SDK1: variants seen among roughly 807,000 people sequenced by gnomAD.
SDK1 encodes sidekick cell adhesion molecule 1, also known as protein sidekick-1.
A neutral mutation model predicts 245.5 loss-of-function variants in SDK1; 157 were observed. The observed-to-expected ratio is 0.64, with a 90% CI of 0.56 to 0.73. The LOEUF (loss-of-function observed/expected upper bound fraction) is 0.73. Ranked by LOEUF, SDK1 falls within the 30% of genes least tolerant of loss-of-function variation. SDK1 has a pLI of 0.00. For missense variants in SDK1, 3,583 were observed against 3,002.3 expected (o/e 1.19, Z -4.52); for synonymous variants, 1,647 against 1,278.5 (o/e 1.29, Z -6.15).
chr7:3,979,024 C>G (rs1431595030), intron 13 of SDK1, among the ~76,000 whole-genome samples: 2 of 152,220 alleles, frequency 1.3e-5, no homozygotes, highest in African/African-American at 4.8e-5. Flanking sequence ...GGGCGGCCCC[C>G]ACACCCACAT....
intron 35 of SDK1, among the ~76,000 whole-genome samples, chr7:4,194,075 C>G (rs1229220730): frequency 1.3e-5 from 2 of 152,072 alleles, no homozygotes; most frequent in East Asian, 3.9e-4. Flanking sequence ...GCAGCCAACT[C>G]CGGAAACCGC....
At chr7:3,535,603 G>C (rs1778860915) in intron 1 of SDK1, among the ~76,000 whole-genome samples, 1 of 152,070 alleles carries the variant, frequency 6.6e-6, no homozygotes, top group Non-Finnish European at 1.5e-5. Flanking sequence ...CTATAACATG[G>C]TCCCTTAGCA....
chr7:4,181,157 T>G (rs1282645257), intron 35 of SDK1, among the ~76,000 whole-genome samples: 1 of 152,234 alleles, frequency 6.6e-6, no homozygotes, highest in African/African-American at 2.4e-5. Context: ...CACTGCAAGT[T>G]CACCTCTCGA....
intron 2 of SDK1, among the ~76,000 whole-genome samples, chr7:3,620,243 T>C (rs1230500682): frequency 6.6e-6 from 1 of 152,118 alleles, no homozygotes; most frequent in Non-Finnish European, 1.5e-5. Context: ...GTGTGTCAGT[T>C]GTCTGTGTGT....
At chr7:3,862,831 G>T (rs966337310) in intron 5 of SDK1, among the ~76,000 whole-genome samples, 5 of 152,130 alleles carry the variant, frequency 3.3e-5, no homozygotes, top group Non-Finnish European at 5.9e-5. Flanking sequence ...TTTCATGGTG[G>T]GTAGGGATGG....
At position 4,220,138 on chromosome 7, in the gene SDK1, A is replaced by AT; in HGVS notation, c.5569_5570insT (p.Arg1857MetfsTer51). On this transcript the variant is annotated frameshift_variant, in exon 39 of 45. Transcript: ENST00000404826. LOFTEE classifies it high-confidence loss of function. ...GAGCAAGGTGGTGACCGTGGAAGTGAGAGGGAACTGGCAGCGCTGGCTGAA... is the reference window on the plus strand; with the variant it reads ...GAGCAAGGTGGTGACCGTGGAAGTGATGAGGGAACTGGCAGCGCTGGCTGAA... 1 of 1,614,050 alleles carries AT rather than the reference A, an allele frequency of 6.2e-7. No individual in the cohort carries two copies. The highest frequency in any genetic ancestry group is 8.5e-7 in the Non-Finnish European group (1 of 1,180,006).
chr7:4,190,089 C>G (rs142211547), intron 35 of SDK1, among the ~76,000 whole-genome samples: 2 of 152,132 alleles, frequency 1.3e-5, no homozygotes, highest in Non-Finnish European at 2.9e-5. Flanking sequence ...GCTTCAGTGA[C>G]GCCAGTTTGA....
chr7:3,489,997 T>A (rs952233054), intron 1 of SDK1, among the ~76,000 whole-genome samples: 1 of 152,202 alleles, frequency 6.6e-6, no homozygotes, highest in Non-Finnish European at 1.5e-5. Context: ...CCCCTCGTGC[T>A]TACTGGTTAT....
At chr7:4,079,672 T>G in intron 22 of SDK1, 88 bp downstream of exon 22, 1 of 1,554,606 alleles carries the variant, frequency 6.4e-7, no homozygotes, top group African/African-American at 1.3e-5. Flanking sequence ...GATGATGGCT[T>G]GGGGTGTCGG....
At chr7:3,776,680 A>G (rs1780574787) in intron 4 of SDK1, among the ~76,000 whole-genome samples, 1 of 152,140 alleles carries the variant, frequency 6.6e-6, no homozygotes, top group African/African-American at 2.4e-5. Context: ...AACAACCACT[A>G]GGAAAAAGAA....
chr7:4,201,609 G>A (rs870084), intron 35 of SDK1, among the ~76,000 whole-genome samples: 51,667 of 152,206 alleles, frequency 0.34, 9,536 homozygotes, highest in Middle Eastern at 0.5. Context: ...TCCTGGTCCA[G>A]TACTGCTCTA....
At chr7:3,610,672 A>T (rs532720259) in intron 1 of SDK1, among the ~76,000 whole-genome samples, 1 of 152,230 alleles carries the variant, frequency 6.6e-6, no homozygotes, top group African/African-American at 2.4e-5. Context: ...GGAAGCTTGA[A>T]TGGTTTCTTA....
intron 36 of SDK1, among the ~76,000 whole-genome samples, chr7:4,207,113 A>C (rs537543441): frequency 6.6e-6 from 1 of 152,242 alleles, no homozygotes; most frequent in Non-Finnish European, 1.5e-5. Flanking sequence ...GAAGCCCACT[A>C]CATCCTGCAG....
chr7:3,522,646 A>G (rs1457958337), intron 1 of SDK1, among the ~76,000 whole-genome samples: 2 of 152,048 alleles, frequency 1.3e-5, no homozygotes, highest in African/African-American at 4.8e-5. Context: ...ACGACTTCTT[A>G]CTTCCTATAG....
chr7:3,336,121 G>A (rs1780193228), intron 1 of SDK1, among the ~76,000 whole-genome samples: 1 of 152,166 alleles, frequency 6.6e-6, no homozygotes. Context: ...GGGGAAGGGA[G>A]GGTGGTCTAA....
Position 3,967,412 on chromosome 7 carries a change from A to G in SDK1, c.1524A>G (p.Lys508=). The change falls in exon 10 of 45, where the codon AAA becomes AAG. Residue 508 remains lysine, a synonymous_variant. Transcript: ENST00000404826. The stretch of plus-strand genomic sequence containing the variant: ...GGTGTGAGGTGTCCGGGGCTCCCAA[A>G]CCCGCCATCACCTGGAAAAGAGGTG... The part of the protein sequence containing the change: ...ILRCEVSGAP[K]PAITWKRENH... 1 of 1,612,418 alleles carries G rather than the reference A, an allele frequency of 6.2e-7. No individual in the cohort carries two copies. The highest frequency in any genetic ancestry group is 2.2e-5 in the East Asian group (1 of 44,834).
intron 1 of SDK1, among the ~76,000 whole-genome samples, chr7:3,359,881 G>A (rs1780906587): frequency 6.6e-6 from 1 of 152,176 alleles, no homozygotes; most frequent in African/African-American, 2.4e-5. Context: ...TGAAGTCTTA[G>A]GGCAAATGTA....
chr7:3,559,835 T>G (rs1205718552), intron 1 of SDK1, among the ~76,000 whole-genome samples: 1 of 152,142 alleles, frequency 6.6e-6, no homozygotes, highest in Non-Finnish European at 1.5e-5. Flanking sequence ...TTGTAGATTA[T>G]AGACTTCACA....
intron 17 of SDK1, among the ~76,000 whole-genome samples, chr7:4,023,707 G>C (rs929323464): frequency 5.3e-5 from 8 of 152,120 alleles, no homozygotes; most frequent in African/African-American, 1.9e-4. Flanking sequence ...GGGAGGGAGA[G>C]TACTATAGTC....
Sources: allele counts gnomAD v4.1 joint callset (sites outside exome capture counted in the v4.1 genomes callset), GRCh38; gene constraint gnomAD v4.1.1; transcripts MANE v1.5; gene names NCBI Gene and HGNC (gene_info 2026-07-23, HGNC 2026-07-21).